GALNT13: variants seen among roughly 807,000 people sequenced by gnomAD.
GALNT13 encodes polypeptide N-acetylgalactosaminyltransferase 13, also known as UDP-GalNAc:polypeptide N-acetylgalactosaminyltransferase 13.
In GALNT13, 28 loss-of-function variants were observed where a neutral mutation model predicts 64.2. The observed-to-expected ratio is 0.44, with a 90% confidence interval of 0.32 to 0.60. GALNT13 has a LOEUF of 0.60. Among genes scored for constraint, GALNT13 ranks in the 20% least tolerant of loss-of-function variants. The pLI is 0.05. For missense variants in GALNT13, 577 were observed against 669.8 expected, an observed-to-expected ratio of 0.86 and a Z score of 1.53; for synonymous variants, 214 against 224.6, an observed-to-expected ratio of 0.95 and a Z score of 0.42.
intron 9 of GALNT13, among the ~76,000 whole-genome samples, chr2:154,336,484 T>A (rs545886814): frequency 2.0e-5 from 3 of 152,276 alleles, no homozygotes; most frequent in African/African-American, 7.2e-5. Flanking sequence ...TCATTTCATT[T>A]AGAATCTCCT....
intron 9 of GALNT13, among the ~76,000 whole-genome samples, chr2:154,332,214 T>C (rs1395906032): frequency 6.6e-6 from 1 of 152,068 alleles, no homozygotes; most frequent in East Asian, 1.9e-4. Context: ...AGGTTGTCCT[T>C]GAGTACATGT....
chr2:153,884,312 A>C (rs1686985480), intron 1 of GALNT13, among the ~76,000 whole-genome samples: 1 of 151,884 alleles, frequency 6.6e-6, no homozygotes, highest in South Asian at 2.1e-4. Context: ...ATGAGTGTGT[A>C]CTTCCCAGAT....
the GALNT13 span, among the ~76,000 whole-genome samples, chr2:153,385,156 CCA>C: frequency 6.6e-6 from 1 of 152,034 alleles, no homozygotes; most frequent in Non-Finnish European, 1.5e-5. Flanking sequence ...AATTGAGCTA[CCA>C]TATGATCCAG....
the GALNT13 span, among the ~76,000 whole-genome samples, chr2:153,105,040 C>G: frequency 1.1e-4 from 13 of 114,216 alleles, no homozygotes; most frequent in Admixed American, 5.2e-4. Context: ...CCCCCCTCCC[C>G]CCACCCGACA....
At chr2:153,518,321 G>T in the GALNT13 span, among the ~76,000 whole-genome samples, 3 of 152,120 alleles carry the variant, frequency 2.0e-5, no homozygotes, top group Non-Finnish European at 4.4e-5. Flanking sequence ...CATGCTCTTT[G>T]ATGGGAAGGA....
chr2:153,511,753 C>T, the GALNT13 span, among the ~76,000 whole-genome samples: 5 of 152,078 alleles, frequency 3.3e-5, no homozygotes, highest in African/African-American at 7.2e-5. Flanking sequence ...AAGACTGAAG[C>T]GGGAGTTTTA....
intron 2 of GALNT13, among the ~76,000 whole-genome samples, chr2:153,906,710 G>A (rs1186688721): frequency 1.3e-5 from 2 of 151,664 alleles, no homozygotes; most frequent in Admixed American, 6.6e-5. Context: ...AAACATACGT[G>A]TGCATGTGTC....
the GALNT13 span, among the ~76,000 whole-genome samples, chr2:153,567,171 C>T: frequency 3.3e-5 from 5 of 152,278 alleles, no homozygotes; most frequent in South Asian, 2.1e-4. Context: ...TCTCATCTTG[C>T]GCCATCCTGA....
At chr2:153,886,996 A>G (rs1023724815) in intron 1 of GALNT13, among the ~76,000 whole-genome samples, 2 of 152,044 alleles carry the variant, frequency 1.3e-5, no homozygotes, top group African/African-American at 4.8e-5. Flanking sequence ...TACTAGAAGT[A>G]TGACAGAAGA....
At chr2:153,502,213 ATGT>A in the GALNT13 span, among the ~76,000 whole-genome samples, 1 of 152,058 alleles carries the variant, frequency 6.6e-6, no homozygotes, top group Non-Finnish European at 1.5e-5. Context: ...ACTGTACTCA[ATGT>A]GTAGTCTTTT....
At chr2:154,013,973 A>G (rs1224761481) in intron 3 of GALNT13, among the ~76,000 whole-genome samples, 1 of 152,184 alleles carries the variant, frequency 6.6e-6, no homozygotes, top group Non-Finnish European at 1.5e-5. Flanking sequence ...GCATCAGGGA[A>G]GCACCCTGGT....
the GALNT13 span, among the ~76,000 whole-genome samples, chr2:153,268,796 G>A: frequency 6.6e-6 from 1 of 152,192 alleles, no homozygotes; most frequent in Non-Finnish European, 1.5e-5. Flanking sequence ...AACAACACCT[G>A]GAAGCCACCA....
At chr2:153,976,522 ATTTGT>A (rs555021377) in intron 3 of GALNT13, among the ~76,000 whole-genome samples, 204 of 152,254 alleles carry the variant, frequency 1.3e-3, no homozygotes, top group Admixed American at 2.4e-3. Context: ...TCAGAATAAC[ATTTGT>A]TTTATTTCAG....
intron 3 of GALNT13, among the ~76,000 whole-genome samples, chr2:154,018,211 C>A (rs1697138540): frequency 6.6e-6 from 1 of 152,148 alleles, no homozygotes; most frequent in Non-Finnish European, 1.5e-5. Flanking sequence ...ACATTTTTTA[C>A]ATTTCCATTT....
the GALNT13 span, among the ~76,000 whole-genome samples, chr2:153,083,675 CCACTTTGTG>C: frequency 6.3e-3 from 955 of 152,112 alleles, 7 homozygotes; most frequent in African/African-American, 0.022. Context: ...ATATTTTCTC[CCACTTTGTG>C]GGTTGTCTGT....
the GALNT13 span, among the ~76,000 whole-genome samples, chr2:153,544,282 A>C: frequency 1.3e-5 from 2 of 152,172 alleles, no homozygotes; most frequent in East Asian, 1.9e-4. Context: ...ATTTCCCTAA[A>C]TCCTCAATAT....
At chr2:154,001,599 A>T (rs375215340) in intron 3 of GALNT13, among the ~76,000 whole-genome samples, 1 of 152,028 alleles carries the variant, frequency 6.6e-6, no homozygotes, top group Non-Finnish European at 1.5e-5. Context: ...TTGATGTTTC[A>T]ATTTACATAA....
chr2:153,646,637 G>A, the GALNT13 span, among the ~76,000 whole-genome samples: 10 of 151,736 alleles, frequency 6.6e-5, no homozygotes, highest in African/African-American at 1.9e-4. Context: ...AACAGGCCCC[G>A]GTGTGCGATG....
the GALNT13 span, among the ~76,000 whole-genome samples, chr2:153,780,260 C>CATATATAT: frequency 8.7e-6 from 1 of 115,256 alleles, no homozygotes. Context: ...TATATATATG[C>CATATATAT]ATATATATAT....
Sources: allele counts gnomAD v4.1 joint callset (sites outside exome capture counted in the v4.1 genomes callset), GRCh38; gene constraint gnomAD v4.1.1; transcripts MANE v1.5; gene names NCBI Gene and HGNC (gene_info 2026-07-23, HGNC 2026-07-21).